Variants in DPF3 observed in about 807,000 individuals in gnomAD.
DPF3 encodes the protein zinc finger protein DPF3.
Under a neutral mutation model 56.8 loss-of-function variants are expected in DPF3, and 18 were observed. The ratio of observed to expected loss-of-function variants is 0.32; its 90% CI spans 0.22 to 0.47. DPF3 has a LOEUF of 0.47. DPF3 is among the 20% of genes least tolerant of loss of function. The probability of loss-of-function intolerance (pLI) is 1.00; values close to 1 mark genes in which losing one functional copy is unlikely to be tolerated. For synonymous variants in DPF3, 188 were observed against 180.2 expected (o/e 1.04, Z -0.35); for missense variants, 403 against 488.8 (o/e 0.82, Z 1.65).
At chr14:72,892,538 G>A in intron 1 of DPF3, 2 of 1,386,260 alleles carry the variant, frequency 1.4e-6, no homozygotes, top group Non-Finnish European at 1.9e-6. Flanking sequence ...ACGAGCTGGC[G>A]CAAACACGTC....
rs898703060 is a variant in DPF3 at position 72,618,230 on chromosome 14, G to A, written c.*1067C>T. 3.3e-5 allele frequency among the ~76,000 whole-genome samples: 5 copies of A among 152,152 alleles called. No individual in the cohort carries two copies. The highest frequency in any genetic ancestry group is 7.3e-5 in the Non-Finnish European group (5 of 68,032). On this transcript the variant is annotated 3_prime_UTR_variant, in exon 11 of 11. Transcript: ENST00000556509. ...TCCCCCATCCTAAAATTCCCAGTCA[G>A]GTCTCAGTAGACAATAGCGAACAAA...
At chr14:72,692,996 T>G in intron 7 of DPF3, 80 bp downstream of exon 7, 41 of 1,579,460 alleles carry the variant, frequency 2.6e-5, no homozygotes, top group Middle Eastern at 1.8e-4. Context: ...ATGCCAGCAG[T>G]GAGAAAAAGG....
At chr14:72,749,506 T>G (rs189072131) in intron 3 of DPF3, among the ~76,000 whole-genome samples, 53 of 152,354 alleles carry the variant, frequency 3.5e-4, no homozygotes, top group African/African-American at 1.2e-3. Context: ...GGAAGACGGT[T>G]AGGAAGGCAT....
rs1303243575 is a variant in DPF3, at chr14:72,827,971, G to A, written c.33-56078C>T. Among the ~76,000 whole-genome samples the A allele has an allele frequency of 4.6e-5, 7 of 152,156 alleles. 1 individual carries two copies. Among genetic ancestry groups the A allele is most frequent in the Admixed American group, 4.6e-4 (7 of 15,294 alleles). On this transcript the variant is annotated intron_variant, in intron 1 of 10. Coordinates refer to ENST00000556509, the MANE Select transcript of DPF3 (RefSeq NM_001280542.3). ...TGACTCTTAAAAAAAAATACAATGT[G>A]TAATGGTGATATAATAATTCAAAGG...
chr14:72,803,179 A>T (rs888979311), intron 1 of DPF3, among the ~76,000 whole-genome samples: 1 of 152,244 alleles, frequency 6.6e-6, no homozygotes, highest in Admixed American at 6.5e-5. Context: ...TTGTGTCCAT[A>T]GAATCTCATC....
intron 8 of DPF3, among the ~76,000 whole-genome samples, chr14:72,635,402 CAT>C (rs1885356190): frequency 6.6e-6 from 1 of 152,326 alleles, no homozygotes; most frequent in African/African-American, 2.4e-5. Flanking sequence ...TTTACAGAAA[CAT>C]GTGCACAGAT....
intron 1 of DPF3, among the ~76,000 whole-genome samples, chr14:72,832,537 G>A (rs371863308): frequency 7.2e-5 from 11 of 152,224 alleles, no homozygotes; most frequent in African/African-American, 2.6e-4. Context: ...CATATATTCT[G>A]GTCACACCAT....
intron 1 of DPF3, among the ~76,000 whole-genome samples, chr14:72,852,219 A>C (rs1239287598): frequency 1.3e-5 from 2 of 152,172 alleles, no homozygotes; most frequent in African/African-American, 2.4e-5. Flanking sequence ...TGCGCCCCTC[A>C]AGGCTTCCCA....
At chr14:72,623,165 T>C (rs2153566232) in intron 9 of DPF3, among the ~76,000 whole-genome samples, 1 of 152,342 alleles carries the variant, frequency 6.6e-6, no homozygotes, top group Middle Eastern at 3.4e-3. Context: ...TATTTTTTAG[T>C]GGTTGCCTAT....
chr14:72,670,370 AG>A, intron 8 of DPF3: 3 of 986,136 alleles, frequency 3.0e-6, no homozygotes, highest in Non-Finnish European at 3.6e-6. Flanking sequence ...ACGGAGGAGG[AG>A]GAGCCCAGGA....
At chr14:72,623,830 A>G (rs1021039236) in intron 9 of DPF3, among the ~76,000 whole-genome samples, 2 of 152,216 alleles carry the variant, frequency 1.3e-5, no homozygotes, top group Non-Finnish European at 2.9e-5. Flanking sequence ...ATGTTCTCTA[A>G]AGACCATTGC....
chr14:72,675,975 C>T (rs1886890634), intron 7 of DPF3, among the ~76,000 whole-genome samples: 1 of 152,224 alleles, frequency 6.6e-6, no homozygotes, highest in South Asian at 2.1e-4. Flanking sequence ...TATAAATTTT[C>T]ATTGCCCAAA....
At chr14:72,717,775 A>T (rs1447794689) in intron 5 of DPF3, among the ~76,000 whole-genome samples, 1 of 152,254 alleles carries the variant, frequency 6.6e-6, no homozygotes, top group East Asian at 1.9e-4. Context: ...CAGAAGGAGC[A>T]GGACCTAGGT....
At chr14:72,827,161 T>C (rs1448121978) in intron 1 of DPF3, among the ~76,000 whole-genome samples, 1 of 152,144 alleles carries the variant, frequency 6.6e-6, no homozygotes, top group Non-Finnish European at 1.5e-5. Context: ...TGTGCCATGT[T>C]CCGCTTGGGG....
intron 1 of DPF3, among the ~76,000 whole-genome samples, chr14:72,829,454 G>A (rs1043079403): frequency 4.1e-5 from 6 of 146,856 alleles, no homozygotes; most frequent in African/African-American, 1.0e-4. Context: ...GCACGGTCTC[G>A]GCTCACTGCA....
At chr14:72,681,034 G>A (rs1452258087) in intron 7 of DPF3, among the ~76,000 whole-genome samples, 1 of 152,192 alleles carries the variant, frequency 6.6e-6, no homozygotes, top group Non-Finnish European at 1.5e-5. Flanking sequence ...TGTGCTACCT[G>A]AGGGCACATG....
chr14:72,765,446 C>T (rs1029775364), intron 2 of DPF3, among the ~76,000 whole-genome samples: 5 of 152,194 alleles, frequency 3.3e-5, no homozygotes, highest in Admixed American at 3.3e-4. Context: ...CATTCAAAAA[C>T]TTGTACACAA....
At chr14:72,663,559 C>T (rs551867095) in intron 8 of DPF3, among the ~76,000 whole-genome samples, 6 of 152,186 alleles carry the variant, frequency 3.9e-5, no homozygotes, top group Admixed American at 3.9e-4. Flanking sequence ...TGGATAGCCA[C>T]GCATAGCTTT....
rs561378987 is a variant in DPF3 at position 72,615,809 on chromosome 14, A to C, written c.*3488T>G. On this transcript the variant is annotated 3_prime_UTR_variant, in exon 11 of 11. Coordinates refer to ENST00000556509, the MANE Select transcript of DPF3 (RefSeq NM_001280542.3). Reference sequence around the variant, plus strand: ...ATCTCCTAGCAGGAGCCCTGTTTCTATTTCCACATAATGTTGCCTGCACTG... The same window carrying C: ...ATCTCCTAGCAGGAGCCCTGTTTCTCTTTCCACATAATGTTGCCTGCACTG... 6.6e-6 allele frequency among the ~76,000 whole-genome samples: 1 copy of C among 152,332 alleles called. No individual in the cohort carries two copies. The highest frequency in any genetic ancestry group is 2.1e-4 in the South Asian group (1 of 4,830).
Sources: allele counts gnomAD v4.1 joint callset (sites outside exome capture counted in the v4.1 genomes callset), GRCh38; gene constraint gnomAD v4.1.1; transcripts MANE v1.5; gene names NCBI Gene and HGNC (gene_info 2026-07-23, HGNC 2026-07-21).